The following GALNT13 variants were observed in gnomAD, a reference collection of about 807,000 sequenced individuals.
The protein encoded by GALNT13 is polypeptide N-acetylgalactosaminyltransferase 13.
In GALNT13, 28 loss-of-function variants were observed where a neutral mutation model predicts 64.2. The observed-to-expected ratio is 0.44, with a 90% CI of 0.32 to 0.60. The LOEUF (loss-of-function observed/expected upper bound fraction) is 0.60. Among genes scored for constraint, GALNT13 ranks in the 20% least tolerant of loss-of-function variants. The probability of loss-of-function intolerance (pLI) is 0.05; values close to 1 mark genes in which losing one functional copy is unlikely to be tolerated. For missense variants in GALNT13, 577 were observed against 669.8 expected (o/e 0.86, Z 1.53); for synonymous variants, 214 against 224.6 (o/e 0.95, Z 0.42).
At chr2:154,098,998 C>T (rs1336469711) in intron 3 of GALNT13, among the ~76,000 whole-genome samples, 1 of 152,000 alleles carries the variant, frequency 6.6e-6, no homozygotes, top group Admixed American at 6.6e-5. Context: ...AATCTCCATG[C>T]CGTTTCCCAT....
In GALNT13 at chr2:154,119,353, C is replaced by G. The variant is rs370343250; in HGVS notation, c.143-20984C>G. ...AATGTTTGTCTTGTTTCTTGCTACT[C>G]TCAGAATAGTTTCTTTGCTTTTGAT... On this transcript the variant is annotated intron_variant, in intron 3 of 12. Transcript: ENST00000392825. Among the ~76,000 whole-genome samples the G allele has an allele frequency of 9.2e-5, 14 of 152,224 alleles. No homozygotes were observed. In the East Asian group the frequency reaches 2.3e-3, roughly 25 times the overall value.
At chr2:153,344,056 CT>C in the GALNT13 span, among the ~76,000 whole-genome samples, 8 of 151,418 alleles carry the variant, frequency 5.3e-5, no homozygotes, top group Non-Finnish European at 1.0e-4. Flanking sequence ...ACTATAATTT[CT>C]TTTTTTTTCC....
At chr2:154,318,992 T>C (rs1182324234) in intron 9 of GALNT13, among the ~76,000 whole-genome samples, 2 of 152,142 alleles carry the variant, frequency 1.3e-5, no homozygotes, top group Admixed American at 6.5e-5. Flanking sequence ...TGAATATTCA[T>C]TGTACTGGTA....
At chr2:153,184,434 C>A in the GALNT13 span, among the ~76,000 whole-genome samples, 2 of 152,126 alleles carry the variant, frequency 1.3e-5, no homozygotes, top group African/African-American at 4.8e-5. Flanking sequence ...AATTTGACTT[C>A]CTCTTTTCCT....
At chr2:153,490,233 A>C in the GALNT13 span, among the ~76,000 whole-genome samples, 1 of 152,180 alleles carries the variant, frequency 6.6e-6, no homozygotes, top group Non-Finnish European at 1.5e-5. Context: ...TTTTCCATTA[A>C]TTTACTGGAA....
chr2:153,137,330 G>T, the GALNT13 span, among the ~76,000 whole-genome samples: 10 of 152,022 alleles, frequency 6.6e-5, no homozygotes, highest in Non-Finnish European at 1.3e-4. Flanking sequence ...CTTTATGAAA[G>T]CGCCCCAGGA....
At chr2:153,503,440 T>A in the GALNT13 span, among the ~76,000 whole-genome samples, 918 of 152,202 alleles carry the variant, frequency 6.0e-3, 17 homozygotes, top group East Asian at 0.082. Flanking sequence ...TATTTTTTTT[T>A]TAAATAATTA....
the GALNT13 span, among the ~76,000 whole-genome samples, chr2:153,226,306 C>T: frequency 2.6e-5 from 4 of 152,086 alleles, no homozygotes. Flanking sequence ...GAATAGTCAA[C>T]ATAGAATATT....
chr2:154,298,850 TTTATATATACA>T (rs1263146844), intron 8 of GALNT13, among the ~76,000 whole-genome samples: 1 of 126,462 alleles, frequency 7.9e-6, no homozygotes, highest in African/African-American at 2.9e-5. Context: ...TTATATATTA[TTTATATATACA>T]TTATATATAC....
chr2:153,096,092 T>C, the GALNT13 span, among the ~76,000 whole-genome samples: 2 of 152,184 alleles, frequency 1.3e-5, no homozygotes, highest in South Asian at 2.1e-4. Context: ...AACAAATTTT[T>C]CAGTTTTCTT....
chr2:153,437,044 T>C, the GALNT13 span, among the ~76,000 whole-genome samples: 5 of 152,216 alleles, frequency 3.3e-5, no homozygotes, highest in Non-Finnish European at 5.9e-5. Context: ...CTCGTTGGTT[T>C]CAAAGAACAT....
intron 9 of GALNT13, among the ~76,000 whole-genome samples, chr2:154,362,043 C>A (rs1157797032): frequency 5.3e-5 from 8 of 152,060 alleles, no homozygotes. Flanking sequence ...TCAGCTCTAA[C>A]TAAGCTATCA....
chr2:153,518,913 G>A, the GALNT13 span, among the ~76,000 whole-genome samples: 1 of 152,144 alleles, frequency 6.6e-6, no homozygotes, highest in Non-Finnish European at 1.5e-5. Context: ...ATTGGGTACT[G>A]TGATTTCTGA....
At chr2:154,100,030 C>G (rs968158985) in intron 3 of GALNT13, among the ~76,000 whole-genome samples, 1 of 152,074 alleles carries the variant, frequency 6.6e-6, no homozygotes, top group East Asian at 1.9e-4. Flanking sequence ...AGTTATGTGG[C>G]TTTATTTCTG....
the GALNT13 span, among the ~76,000 whole-genome samples, chr2:153,800,734 T>C: frequency 3.3e-5 from 5 of 152,162 alleles, no homozygotes; most frequent in African/African-American, 1.2e-4. Flanking sequence ...GTTGAAGCTT[T>C]ATTGTGACAT....
chr2:153,276,856 G>C, the GALNT13 span, among the ~76,000 whole-genome samples: 6 of 152,010 alleles, frequency 3.9e-5, no homozygotes, highest in African/African-American at 1.4e-4. Flanking sequence ...TTGGCTTCTA[G>C]TGCACATTTT....
chr2:153,869,655 G>A (rs566720618), upstream of GALNT13, among the ~76,000 whole-genome samples: 79 of 152,134 alleles, frequency 5.2e-4, no homozygotes, highest in Non-Finnish European at 4.0e-4. Flanking sequence ...TTGGTCAGTT[G>A]GTTAAGGTGA....
the GALNT13 span, among the ~76,000 whole-genome samples, chr2:153,233,327 A>T: frequency 4.6e-5 from 7 of 152,022 alleles, no homozygotes; most frequent in African/African-American, 1.7e-4. Context: ...ACTTCTTAGG[A>T]TTCTACTTGT....
At chr2:153,234,296 G>A in the GALNT13 span, among the ~76,000 whole-genome samples, 1 of 152,266 alleles carries the variant, frequency 6.6e-6, no homozygotes, top group East Asian at 1.9e-4. Context: ...GAGTATGGAT[G>A]AAGGCCAAAT....
Sources: gnomAD v4.1 joint callset for allele counts (sites outside exome capture counted in the v4.1 genomes callset) on GRCh38, gnomAD v4.1.1 for gene constraint, MANE v1.5 for transcripts, NCBI Gene and HGNC (gene_info 2026-07-23, HGNC 2026-07-21) for gene names.